ANK3: variants seen among roughly 807,000 people sequenced by gnomAD.
ANK3 encodes ankyrin 3.
In ANK3, 57 loss-of-function variants were observed where a neutral mutation model predicts 370.9. The ratio of observed to expected loss-of-function variants is 0.15; its 90% CI spans 0.12 to 0.19. The LOEUF (loss-of-function observed/expected upper bound fraction) is 0.19. Among genes scored for constraint, ANK3 ranks in the 10% least tolerant of loss-of-function variants. ANK3 has a pLI of 1.00. For synonymous variants in ANK3, 1,929 were observed against 1,946.3 expected, an observed-to-expected ratio of 0.99 and a Z score of 0.23; for missense variants, 4,439 against 5,302.1, an observed-to-expected ratio of 0.84 and a Z score of 5.06.
At chr10:60,279,216 A>T in intron 2 of ANK3, 68 bp from the exon 3 acceptor site, 2 of 1,323,220 alleles carry the variant, frequency 1.5e-6, no homozygotes, top group Non-Finnish European at 2.2e-6. Context: ...ACCGACCAAG[A>T]ACTCCTGAGA....
chr10:60,194,779 A>C (rs536042061), intron 16 of ANK3, among the ~76,000 whole-genome samples: 8 of 152,238 alleles, frequency 5.3e-5, no homozygotes, highest in Non-Finnish European at 1.2e-4. Context: ...TCAGGGTCAG[A>C]AACTGTGGAG....
intron 25 of ANK3, among the ~76,000 whole-genome samples, chr10:60,133,874 A>T (rs10994215): frequency 2.8e-4 from 42 of 152,232 alleles, no homozygotes; most frequent in African/African-American, 9.9e-4. Flanking sequence ...AGCTGACATC[A>T]TGCCACTGCA....
intron 2 of ANK3, among the ~76,000 whole-genome samples, chr10:60,468,580 C>A (rs935175559): frequency 4.6e-5 from 7 of 152,072 alleles, no homozygotes; most frequent in African/African-American, 1.7e-4. Flanking sequence ...CCTGACCAAT[C>A]TCTTGTTTAC....
chr10:60,246,966 C>G (rs546703032), intron 7 of ANK3, among the ~76,000 whole-genome samples: 6 of 152,246 alleles, frequency 3.9e-5, no homozygotes, highest in African/African-American at 1.2e-4. Flanking sequence ...TCTCTTCCAC[C>G]TTTGCATGAT....
chr10:60,170,263 A>C (rs1206799285), intron 21 of ANK3, among the ~76,000 whole-genome samples: 3 of 152,224 alleles, frequency 2.0e-5, no homozygotes, highest in Admixed American at 1.3e-4. Flanking sequence ...CACATGGAAA[A>C]GACATTCTCT....
chr10:60,143,673 C>A (rs1018308135), intron 23 of ANK3, among the ~76,000 whole-genome samples: 1 of 152,220 alleles, frequency 6.6e-6, no homozygotes, highest in Non-Finnish European at 1.5e-5. Flanking sequence ...CTCACCCTTA[C>A]CTCCAATGAA....
At chr10:60,634,210 T>C (rs2078521625) in intron 1 of ANK3, among the ~76,000 whole-genome samples, 1 of 152,196 alleles carries the variant, frequency 6.6e-6, no homozygotes, top group Admixed American at 6.5e-5. Flanking sequence ...TGTTTGGGTT[T>C]TGTTCAGCTG....
At chr10:60,246,035 T>A (rs1469259250) in intron 7 of ANK3, among the ~76,000 whole-genome samples, 2 of 151,970 alleles carry the variant, frequency 1.3e-5, no homozygotes, top group Non-Finnish European at 2.9e-5. Flanking sequence ...GTAGATGGAT[T>A]ACTTGAGGCC....
intron 1 of ANK3, among the ~76,000 whole-genome samples, chr10:60,383,611 G>A (rs1274755346): frequency 1.3e-5 from 2 of 152,058 alleles, no homozygotes; most frequent in African/African-American, 2.4e-5. Flanking sequence ...TAGTCTCTTG[G>A]TAAGACAGAC....
chr10:60,675,366 C>G (rs915115312), intron 1 of ANK3, among the ~76,000 whole-genome samples: 3 of 152,186 alleles, frequency 2.0e-5, no homozygotes, highest in Non-Finnish European at 4.4e-5. Flanking sequence ...ACTAGCATCA[C>G]TCACTTCTTC....
At chr10:60,366,333 G>A (rs189659400) in intron 1 of ANK3, among the ~76,000 whole-genome samples, 26 of 151,466 alleles carry the variant, frequency 1.7e-4, no homozygotes, top group Non-Finnish European at 2.2e-4. Context: ...ACTCTGTCTC[G>A]AAAAAAACAA....
At chr10:60,127,377 C>G (rs192563558) in intron 25 of ANK3, among the ~76,000 whole-genome samples, 1 of 152,238 alleles carries the variant, frequency 6.6e-6, no homozygotes, top group Non-Finnish European at 1.5e-5. Flanking sequence ...CAGGCACTGC[C>G]ACGGAAATGG....
At chr10:60,532,075 A>C (rs939495212) in intron 2 of ANK3, among the ~76,000 whole-genome samples, 3 of 152,148 alleles carry the variant, frequency 2.0e-5, no homozygotes, top group African/African-American at 7.2e-5. Flanking sequence ...ACAGGAATGA[A>C]TATTGTTTAA....
At chr10:60,652,018 C>T (rs2078795144) in intron 1 of ANK3, among the ~76,000 whole-genome samples, 2 of 151,996 alleles carry the variant, frequency 1.3e-5, no homozygotes, top group African/African-American at 2.4e-5. Flanking sequence ...ATAAAAATAA[C>T]AGAATTTTTC....
intron 2 of ANK3, among the ~76,000 whole-genome samples, chr10:60,468,526 T>C (rs964974629): frequency 4.6e-5 from 7 of 152,074 alleles, no homozygotes; most frequent in Admixed American, 3.3e-4. Context: ...AATCACATTT[T>C]ACATACTGGA....
At chr10:60,502,994 C>G (rs1376153687) in intron 2 of ANK3, among the ~76,000 whole-genome samples, 1 of 151,886 alleles carries the variant, frequency 6.6e-6, no homozygotes, top group Non-Finnish European at 1.5e-5. Flanking sequence ...CTCTCTGGTT[C>G]AATTACTTAT....
intron 1 of ANK3, among the ~76,000 whole-genome samples, chr10:60,722,884 T>C (rs2079884375): frequency 6.6e-6 from 1 of 152,192 alleles, no homozygotes; most frequent in Non-Finnish European, 1.5e-5. Context: ...CCTGATGCCT[T>C]AGCAGGAGCA....
intron 1 of ANK3, among the ~76,000 whole-genome samples, chr10:60,336,927 AATG>A (rs1037106383): frequency 7.2e-5 from 11 of 152,104 alleles, no homozygotes; most frequent in African/African-American, 2.2e-4. Context: ...ATGGCACCTG[AATG>A]ATGAACTGAC....
intron 1 of ANK3, among the ~76,000 whole-genome samples, chr10:60,645,750 T>A (rs988475977): frequency 6.7e-5 from 10 of 148,938 alleles, no homozygotes; most frequent in Admixed American, 3.4e-4. Flanking sequence ...AAGAAAATAA[T>A]AAAAAAAAAA....
Sources: gnomAD v4.1 joint callset for allele counts (sites outside exome capture counted in the v4.1 genomes callset) on GRCh38, gnomAD v4.1.1 for gene constraint, MANE v1.5 for transcripts, NCBI Gene and HGNC (gene_info 2026-07-23, HGNC 2026-07-21) for gene names.